Variants in SASH1 observed in about 807,000 individuals in gnomAD.
SASH1 encodes SAM and SH3 domain containing 1, also known as SAM and SH3 domain-containing protein 1.
In SASH1, 44 loss-of-function variants were observed where a neutral mutation model predicts 125.2. The observed-to-expected ratio is 0.35, with a 90% CI of 0.28 to 0.45. SASH1 has a LOEUF of 0.45. Ranked by LOEUF, SASH1 falls within the 20% of genes least tolerant of loss-of-function variation. The probability of loss-of-function intolerance (pLI) is 1.00; values close to 1 mark genes in which losing one functional copy is unlikely to be tolerated. For synonymous variants in SASH1, 639 were observed against 649.1 expected (o/e 0.98, Z 0.24); for missense variants, 1,426 against 1,614.5 (o/e 0.88, Z 2.00).
intron 2 of SASH1, among the ~76,000 whole-genome samples, chr6:148,421,546 C>T (rs1785105989): frequency 6.6e-6 from 1 of 152,228 alleles, no homozygotes; most frequent in Non-Finnish European, 1.5e-5. Flanking sequence ...TCAGGTGATC[C>T]ACCCACCTTG....
At chr6:148,508,450 A>T (rs187527589) in intron 8 of SASH1, 145 of 998,188 alleles carry the variant, frequency 1.5e-4, no homozygotes, top group Middle Eastern at 5.1e-4. Context: ...AATTCCATAG[A>T]CAGTAATTAA....
At chr6:148,368,415 C>T (rs867536065) in intron 1 of SASH1, among the ~76,000 whole-genome samples, 53 of 152,250 alleles carry the variant, frequency 3.5e-4, no homozygotes, top group African/African-American at 1.1e-3. Context: ...GGATTACAGG[C>T]GCAAGCCACC....
chr6:148,514,241 G>T (rs894087579), intron 8 of SASH1, 83 bp from the exon 9 acceptor site: 13 of 1,525,372 alleles, frequency 8.5e-6, no homozygotes, highest in Non-Finnish European at 1.1e-5. Context: ...GTTCAGACTG[G>T]CAGCAAGGCC....
intron 2 of SASH1, 52 bp from the exon 3 acceptor site, chr6:148,440,132 C>T (rs377553004): frequency 6.5e-5 from 101 of 1,551,970 alleles, no homozygotes; most frequent in African/African-American, 1.5e-4. Flanking sequence ...TTGTCTTTCT[C>T]GCGTGTGACA....
At chr6:148,295,637 G>T (rs1043614765) in intron 1 of SASH1, among the ~76,000 whole-genome samples, 1 of 152,194 alleles carries the variant, frequency 6.6e-6, no homozygotes, top group Non-Finnish European at 1.5e-5. Flanking sequence ...GAGTTATCTC[G>T]GCAGCCTGTG....
At chr6:148,507,410 G>A (rs541235796) in intron 8 of SASH1, among the ~76,000 whole-genome samples, 9 of 151,460 alleles carry the variant, frequency 5.9e-5, no homozygotes, top group East Asian at 1.9e-4. Flanking sequence ...TCGCTCTGTC[G>A]CCCAAGCTGG....
chr6:148,464,812 C>T (rs940527538), intron 4 of SASH1, among the ~76,000 whole-genome samples: 1 of 152,032 alleles, frequency 6.6e-6, no homozygotes, highest in African/African-American at 2.4e-5. Context: ...GTTGGGGAGC[C>T]TCACGCTTAT....
intron 4 of SASH1, among the ~76,000 whole-genome samples, chr6:148,453,063 A>G (rs1478350964): frequency 6.6e-6 from 1 of 152,094 alleles, no homozygotes; most frequent in Non-Finnish European, 1.5e-5. Flanking sequence ...CTGGTCCACA[A>G]TCCTCCTCCT....
chr6:148,297,531 T>A (rs1779796328), intron 1 of SASH1, among the ~76,000 whole-genome samples: 1 of 152,194 alleles, frequency 6.6e-6, no homozygotes, highest in Non-Finnish European at 1.5e-5. Flanking sequence ...TTGGGATATA[T>A]ATGTATACTA....
At chr6:148,539,110 C>T (rs73017016) in intron 16 of SASH1, among the ~76,000 whole-genome samples, 1 of 151,602 alleles carries the variant, frequency 6.6e-6, no homozygotes, top group African/African-American at 2.4e-5. Context: ...TTTTTTTCCC[C>T]TCCAGCTTTG....
intron 16 of SASH1, among the ~76,000 whole-genome samples, chr6:148,536,872 A>G (rs754033185): frequency 3.3e-5 from 5 of 152,028 alleles, no homozygotes; most frequent in Non-Finnish European, 7.4e-5. Context: ...GGTGAAGAAG[A>G]CCTCTTTGCC....
Position 148,519,579 on chromosome 6 carries a change from G to A in SASH1, c.895G>A (p.Val299Ile). ...GGAGCACGTGTTTGAGAATTCGCCG[G>A]TCCTGGATGAACGGTCCGCCCTCTA... is the stretch of plus-strand genomic sequence containing the variant. ...GEEHVFENSPVLDERSALYSG... is the reference protein window; with the variant it reads ...GEEHVFENSPILDERSALYSG... The change falls in exon 10 of 20, where the codon GTC becomes ATC. Residue 299 changes from valine to isoleucine, a missense_variant. Transcript: ENST00000367467. This position sits in a 1 kb window ranked among gnomAD's most constrained non-coding sequence, Gnocchi z 4.8. 6.2e-7 allele frequency: 1 copy of A among 1,614,128 alleles called. No homozygotes were observed. The highest frequency in any genetic ancestry group is 1.3e-5 in the African/African-American group (1 of 75,024).
At chr6:148,234,632 T>G in the SASH1 span, among the ~76,000 whole-genome samples, 1 of 151,762 alleles carries the variant, frequency 6.6e-6, no homozygotes, top group African/African-American at 2.4e-5. Flanking sequence ...TCGAGACCAG[T>G]CTGGCCAACA....
the SASH1 span, among the ~76,000 whole-genome samples, chr6:148,211,077 C>T: frequency 1.2e-4 from 19 of 152,178 alleles, no homozygotes; most frequent in Non-Finnish European, 2.2e-4. Context: ...GGCCTCTTAT[C>T]GAATTGTGGA....
chr6:148,457,649 G>A (rs1286909204), intron 4 of SASH1, among the ~76,000 whole-genome samples: 1 of 152,180 alleles, frequency 6.6e-6, no homozygotes, highest in African/African-American at 2.4e-5. Context: ...GTGGAAGTTA[G>A]TCATTTTCGT....
intron 8 of SASH1, among the ~76,000 whole-genome samples, chr6:148,509,712 C>A (rs888122664): frequency 2.6e-5 from 4 of 152,340 alleles, no homozygotes; most frequent in African/African-American, 9.6e-5. Context: ...GTATCTGTTA[C>A]CGACCAGCAG....
chr6:148,298,890 AG>A (rs1226047846), intron 1 of SASH1, among the ~76,000 whole-genome samples: 1 of 144,688 alleles, frequency 6.9e-6, no homozygotes, highest in Non-Finnish European at 1.5e-5. Context: ...GGAGGGAGGG[AG>A]GGAAGGAAGA....
chr6:148,394,059 A>G (rs1481912282), intron 2 of SASH1, among the ~76,000 whole-genome samples: 2 of 151,552 alleles, frequency 1.3e-5, no homozygotes, highest in Non-Finnish European at 1.5e-5. Context: ...CGCCTGGCTA[A>G]TTTTTGTATT....
intron 9 of SASH1, among the ~76,000 whole-genome samples, chr6:148,516,230 C>T (rs998168357): frequency 6.6e-6 from 1 of 152,248 alleles, no homozygotes; most frequent in Non-Finnish European, 1.5e-5. Context: ...CTAAGGTACA[C>T]TCTGGCATCT....
Sources: allele counts gnomAD v4.1 joint callset (sites outside exome capture counted in the v4.1 genomes callset), GRCh38; gene constraint gnomAD v4.1.1; non-coding constraint Gnocchi (gnomAD v3.1); transcripts MANE v1.5; gene names NCBI Gene and HGNC (gene_info 2026-07-23, HGNC 2026-07-21).